DTNBP1: variants seen among roughly 807,000 people sequenced by gnomAD.
DTNBP1 encodes dystrobrevin binding protein 1.
A neutral mutation model predicts 42.8 loss-of-function variants in DTNBP1; 35 were observed. That is an observed-to-expected ratio of 0.82 (90% CI 0.63 to 1.09). The LOEUF (loss-of-function observed/expected upper bound fraction) is 1.09. Among genes scored for constraint, DTNBP1 ranks in the 50% least tolerant of loss-of-function variants. DTNBP1 has a pLI of 0.00. For synonymous variants in DTNBP1, 171 were observed against 162.2 expected (o/e 1.05, Z -0.41); for missense variants, 457 against 424.2 (o/e 1.08, Z -0.68).
intron 5 of DTNBP1, among the ~76,000 whole-genome samples, chr6:15,625,545 A>G (rs1394351683): frequency 6.6e-6 from 1 of 152,206 alleles, no homozygotes; most frequent in African/African-American, 2.4e-5. Context: ...AACATCAAAC[A>G]TTTTTCAGGA....
At chr6:15,646,507 GA>G (rs139491827) in intron 3 of DTNBP1, among the ~76,000 whole-genome samples, 59 of 147,554 alleles carry the variant, frequency 4.0e-4, no homozygotes, top group South Asian at 8.5e-4. Flanking sequence ...CCCAAAATCA[GA>G]AAAAAAAAAT....
At chr6:15,640,263 C>T (rs930774971) in intron 3 of DTNBP1, among the ~76,000 whole-genome samples, 1 of 152,232 alleles carries the variant, frequency 6.6e-6, no homozygotes. Flanking sequence ...TTACACATCT[C>T]ATGCCGCCTT....
At chr6:15,586,532 TA>T (rs68006607) in intron 7 of DTNBP1, among the ~76,000 whole-genome samples, 19,434 of 147,600 alleles carry the variant, frequency 0.13, 1,570 homozygotes, top group African/African-American at 0.23. Context: ...CTCCCAAAAT[TA>T]AAAAAAAAAA....
intron 3 of DTNBP1, among the ~76,000 whole-genome samples, chr6:15,639,950 G>A (rs546131332): frequency 1.3e-5 from 2 of 151,982 alleles, no homozygotes; most frequent in East Asian, 1.9e-4. Flanking sequence ...TTTTCTCCCC[G>A]TTATTATGTA....
chr6:15,605,710 T>C (rs905411716), intron 6 of DTNBP1, among the ~76,000 whole-genome samples: 8 of 152,214 alleles, frequency 5.3e-5, no homozygotes, highest in Non-Finnish European at 1.2e-4. Context: ...CTATACTAAA[T>C]ATTAGCTCTT....
intron 3 of DTNBP1, among the ~76,000 whole-genome samples, chr6:15,642,465 C>A (rs571130797): frequency 5.9e-5 from 9 of 152,298 alleles, no homozygotes; most frequent in Admixed American, 3.9e-4. Context: ...TGCTTCCACC[C>A]AACGCCAGCC....
At chr6:15,607,434 T>A (rs1337143627) in intron 6 of DTNBP1, among the ~76,000 whole-genome samples, 1 of 152,068 alleles carries the variant, frequency 6.6e-6, no homozygotes, top group African/African-American at 2.4e-5. Flanking sequence ...CCCAAGTAGC[T>A]GGGATTATAG....
At chr6:15,565,778 A>C (rs1775044397) in intron 7 of DTNBP1, among the ~76,000 whole-genome samples, 1 of 152,222 alleles carries the variant, frequency 6.6e-6, no homozygotes, top group Non-Finnish European at 1.5e-5. Context: ...ACAACTCCTT[A>C]AATTTCCTAA....
At chr6:15,529,352 TC>T (rs1449677145) in intron 8 of DTNBP1, among the ~76,000 whole-genome samples, 2 of 152,026 alleles carry the variant, frequency 1.3e-5, no homozygotes, top group Non-Finnish European at 2.9e-5. Context: ...CATCAATACA[TC>T]AATGAATAAA....
At chr6:15,535,285 G>A (rs1773157642) in intron 7 of DTNBP1, among the ~76,000 whole-genome samples, 1 of 152,078 alleles carries the variant, frequency 6.6e-6, no homozygotes, top group Admixed American at 6.6e-5. Context: ...GCAGAGCTGT[G>A]AGTCAATTAA....
chr6:15,592,576 C>G (rs1031947841), intron 7 of DTNBP1, among the ~76,000 whole-genome samples: 16 of 152,120 alleles, frequency 1.1e-4, no homozygotes, highest in Non-Finnish European at 2.2e-4. Context: ...TCATCTGAGC[C>G]TCTAATTTTA....
intron 3 of DTNBP1, 93 bp from the exon 4 acceptor site, chr6:15,637,897 A>G (rs1312877533): frequency 2.2e-6 from 3 of 1,353,996 alleles, no homozygotes; most frequent in Non-Finnish European, 3.1e-6. Flanking sequence ...GTGGTGCTAG[A>G]AAGGAAACAC....
At chr6:15,662,315 G>A (rs1408059718) in intron 1 of DTNBP1, among the ~76,000 whole-genome samples, 1 of 152,248 alleles carries the variant, frequency 6.6e-6, no homozygotes, top group African/African-American at 2.4e-5. Context: ...CGTGAAAGCC[G>A]AGACGCGGCG....
chr6:15,638,105 C>T (rs2113770018), intron 3 of DTNBP1, among the ~76,000 whole-genome samples: 1 of 152,146 alleles, frequency 6.6e-6, no homozygotes, highest in South Asian at 2.1e-4. Flanking sequence ...GAGAAAAACT[C>T]TTCCTTATAA....
At chr6:15,573,414 A>G (rs1775423123) in intron 7 of DTNBP1, among the ~76,000 whole-genome samples, 1 of 152,220 alleles carries the variant, frequency 6.6e-6, no homozygotes, top group Non-Finnish European at 1.5e-5. Context: ...GTCCATTGGA[A>G]AATCCTTAAA....
chr6:15,533,625 T>C (rs1224987049), intron 7 of DTNBP1: 5 of 688,270 alleles, frequency 7.3e-6, no homozygotes, highest in African/African-American at 3.5e-5. Flanking sequence ...CACCTTTGCA[T>C]GTGCTGTTCC....
At chr6:15,544,909 A>C (rs1008689765) in intron 7 of DTNBP1, among the ~76,000 whole-genome samples, 1 of 152,210 alleles carries the variant, frequency 6.6e-6, no homozygotes, top group African/African-American at 2.4e-5. Context: ...GCTGTTTCCA[A>C]AGGTACTTTT....
intron 8 of DTNBP1, among the ~76,000 whole-genome samples, chr6:15,530,340 A>G (rs1772732062): frequency 6.6e-6 from 1 of 152,218 alleles, no homozygotes; most frequent in Non-Finnish European, 1.5e-5. Context: ...AGAAAGCTAA[A>G]AAGCCCAGGG....
At chr6:15,634,695 A>G (rs535435459) in intron 4 of DTNBP1, among the ~76,000 whole-genome samples, 31 of 152,276 alleles carry the variant, frequency 2.0e-4, no homozygotes, top group Middle Eastern at 6.8e-3. Flanking sequence ...AGGTTAATCA[A>G]TATCAATACA....
Sources: allele counts gnomAD v4.1 joint callset (sites outside exome capture counted in the v4.1 genomes callset), GRCh38; gene constraint gnomAD v4.1.1; transcripts MANE v1.5; gene names NCBI Gene and HGNC (gene_info 2026-07-23, HGNC 2026-07-21).